Variants in HERC2 observed in about 807,000 individuals in gnomAD.
HERC2 encodes the protein HECT and RLD domain containing E3 ubiquitin protein ligase 2.
Under a neutral mutation model 537.7 loss-of-function variants are expected in HERC2, and 102 were observed. That is an observed-to-expected ratio of 0.19 (90% CI 0.16 to 0.22). HERC2 has a LOEUF of 0.22. HERC2 is among the 10% of genes least tolerant of loss of function. The probability of loss-of-function intolerance (pLI) is 1.00; values close to 1 mark genes in which losing one functional copy is unlikely to be tolerated. For missense variants in HERC2, 4,236 were observed against 6,198.2 expected (o/e 0.68, Z 10.63); for synonymous variants, 2,224 against 2,466.2 (o/e 0.90, Z 2.91).
At position 28,246,084 on chromosome 15, in the gene HERC2, T is replaced by C; in HGVS notation, c.3392-18A>G. On this transcript the variant is annotated intron_variant, in intron 22 of 92. Transcript: ENST00000261609. ...GAGAACACCTACATTTAAGAAATAATAAGATTTAAATAAGTATTTATCCTA... is the reference window on the plus strand; with the variant it reads ...GAGAACACCTACATTTAAGAAATAACAAGATTTAAATAAGTATTTATCCTA... 6.6e-7 allele frequency: 1 copy of C among 1,508,190 alleles called. No homozygotes were observed. The highest frequency in any genetic ancestry group is 2.3e-5 in the East Asian group (1 of 43,652). The allele number at this position is 1,508,190 out of a possible 1,614,324, so 93.4% of individuals were successfully genotyped here.
intron 26 of HERC2, among the ~76,000 whole-genome samples, chr15:28,235,562 A>C (rs1402196247): frequency 6.6e-6 from 1 of 152,092 alleles, no homozygotes; most frequent in Non-Finnish European, 1.5e-5. Context: ...CCCACTCTCG[A>C]AAGCAGCAGG....
Position 28,163,283 on chromosome 15 carries a change from A to G in HERC2, c.10557T>C (p.Asp3519=). Residue 3519 remains aspartate (D), a splice_region_variant and synonymous_variant, in exon 69 of 93, where the codon GAT becomes GAC. Coordinates refer to ENST00000261609, the MANE Select transcript of HERC2 (RefSeq NM_004667.6). ...IAETMTKTKE[D]VESQNKAAGP... The stretch of plus-strand genomic sequence containing the variant: ...CTGCTGCTTTATTTTGGCTTTCAAC[A>G]TCCTAAGTCAAATGACATCCAACAA... The G allele has an allele frequency of 6.2e-7, 1 of 1,611,586 alleles. No individual in the cohort carries two copies. The highest frequency in any genetic ancestry group is 8.5e-7 in the Non-Finnish European group (1 of 1,179,524).
chr15:28,123,823 C>T (rs11635884), intron 85 of HERC2, among the ~76,000 whole-genome samples: 129,320 of 152,242 alleles, frequency 0.85, 58,356 homozygotes, highest in Non-Finnish European at 0.99. Context: ...TTACTGTTTG[C>T]TTTTAATATA....
chr15:28,314,998 C>T (rs1398180435), intron 2 of HERC2, among the ~76,000 whole-genome samples: 2 of 152,172 alleles, frequency 1.3e-5, no homozygotes, highest in Admixed American at 6.5e-5. Context: ...AGAGCACGTA[C>T]GGCCCACATA....
intron 48 of HERC2, among the ~76,000 whole-genome samples, chr15:28,199,154 A>G (rs977375577): frequency 7.9e-5 from 12 of 152,166 alleles, no homozygotes; most frequent in African/African-American, 2.9e-4. Context: ...CTCAAAAAAA[A>G]AAAAGAATTT....
intron 55 of HERC2, among the ~76,000 whole-genome samples, chr15:28,188,613 G>A (rs1896544035): frequency 6.6e-6 from 1 of 151,912 alleles, no homozygotes; most frequent in Non-Finnish European, 1.5e-5. Flanking sequence ...GTTAAGCCCT[G>A]TCAGAGATGA....
In HERC2 at chr15:28,176,955, T is replaced by G; in HGVS notation, c.9427A>C (p.Lys3143Gln). ...ACAAAAATGCGTATAATCACCATTT[T>G]GGGCTTTAGCTGTGTCGTATTATCC... Reference protein sequence around the residue: ...HGDNTTQLKPKMVKVLLGHRV... With the variant: ...HGDNTTQLKPQMVKVLLGHRV... Residue 3143 changes from lysine (K) to glutamine (Q), a missense_variant, in exon 61 of 93, where the codon AAA becomes CAA. Physicochemically the swap from Lys to Gln is moderately conservative, Grantham distance 53. This residue lies in a region of HERC2 where 606 missense variants were observed against 884.5 expected (regional missense o/e 0.69). Transcript: ENST00000261609. The surrounding 1 kb of genome is among the most constrained non-coding windows in gnomAD (Gnocchi z 5.0). The G allele has an allele frequency of 6.2e-7, 1 of 1,610,964 alleles. No individual in the cohort carries two copies. The highest frequency in any genetic ancestry group is 8.5e-7 in the Non-Finnish European group (1 of 1,177,932).
intron 82 of HERC2, 81 bp from the exon 83 acceptor site, chr15:28,130,383 C>T: frequency 6.2e-7 from 1 of 1,600,970 alleles, no homozygotes; most frequent in Admixed American, 1.7e-5. Flanking sequence ...GCAGCCTCTG[C>T]TGTTCAGGAC....
intron 17 of HERC2, 39 bp downstream of exon 17, chr15:28,257,022 A>G (rs1320463317): frequency 6.5e-7 from 1 of 1,548,254 alleles, no homozygotes; most frequent in African/African-American, 1.4e-5. Context: ...TCCCTAAGAC[A>G]CTTACAAAAG....
chr15:28,111,568 C>G lies in HERC2; in HGVS notation c.*195G>C, dbSNP rs927915733. ...AAGACCCTTGGAAGTCGAGCGTCCA[C>G]AGTGTTCCACGCGCACAGGCGGACC... On this transcript the variant is annotated 3_prime_UTR_variant, in exon 93 of 93. Transcript: ENST00000261609. The G allele has an allele frequency of 9.9e-6, 6 of 608,166 alleles. No homozygotes were observed. The highest frequency in any genetic ancestry group is 6.0e-5 in the Admixed American group (2 of 33,302). The allele number at this position is 608,166 out of a possible 1,614,324, so 37.7% of individuals were successfully genotyped here. A position where few individuals can be genotyped will look rare whatever the true frequency, so the allele number is the denominator to read the frequency against.
chr15:28,298,065 T>C (rs1442603111), intron 3 of HERC2, among the ~76,000 whole-genome samples: 4 of 150,018 alleles, frequency 2.7e-5, no homozygotes, highest in Non-Finnish European at 5.9e-5. Flanking sequence ...ATATAAAAAA[T>C]AAATTAAAAT....
intron 35 of HERC2, among the ~76,000 whole-genome samples, chr15:28,224,139 ACACACACACC>A (rs1404170447): frequency 0.072 from 10,066 of 139,076 alleles, 1,158 homozygotes; most frequent in African/African-American, 0.26. Flanking sequence ...AATTATACAC[ACACACACACC>A]CACACACACA....
chr15:28,185,425 C>T (rs1302072974), intron 56 of HERC2, among the ~76,000 whole-genome samples: 1 of 152,194 alleles, frequency 6.6e-6, no homozygotes, highest in African/African-American at 2.4e-5. Context: ...AACAACATAT[C>T]CATTTATTTT....
chr15:28,294,772 C>T (rs140360543), intron 3 of HERC2, among the ~76,000 whole-genome samples: 1 of 151,970 alleles, frequency 6.6e-6, no homozygotes, highest in Admixed American at 6.6e-5. Flanking sequence ...GTGTGGCATG[C>T]GGTGTCCCCC....
At position 28,265,965 on chromosome 15, in the gene HERC2, C is replaced by T. The variant is rs1567091807; in HGVS notation, c.1608G>A (p.Glu536=). The T allele has an allele frequency of 3.1e-6, 5 of 1,613,954 alleles. No individual in the cohort carries two copies. The highest frequency in any genetic ancestry group is 3.4e-6 in the Non-Finnish European group (4 of 1,179,982). The change falls in exon 13 of 93, where the codon GAG becomes GAA. Residue 536 remains glutamate, a synonymous_variant. Transcript: ENST00000261609. The surrounding 1 kb of genome is among the most constrained non-coding windows in gnomAD (Gnocchi z 4.0). The stretch of plus-strand genomic sequence containing the variant: ...AGAAGGCGGAGATCACCTTAGGCTC[C>T]TCCAAAGGCCTTGGGGAGAAAGGGA... ...RLGHGDTVPL[E]EPKVISAFSG... is the part of the protein sequence containing the mutation.
chr15:28,252,236 C>T (rs2075106734), intron 20 of HERC2, among the ~76,000 whole-genome samples: 1 of 152,088 alleles, frequency 6.6e-6, no homozygotes, highest in Non-Finnish European at 1.5e-5. Flanking sequence ...GCAGGCTACA[C>T]AGCTGCAGCT....
At position 28,202,088 on chromosome 15, in the gene HERC2, G is replaced by A. The variant is rs57318871; in HGVS notation, c.7617+25C>T. 16,042 of 1,299,764 alleles carry A rather than the reference G, an allele frequency of 0.012. 1,383 individuals carry two copies. In the African/African-American group the frequency reaches 0.22, roughly 18 times the overall value. 80.5% of individuals were successfully genotyped at this position (1,299,764 alleles called of 1,614,324 possible). A position where few individuals can be genotyped will look rare whatever the true frequency, so the allele number is the denominator to read the frequency against. On this transcript the variant is annotated intron_variant, in intron 47 of 92. Transcript: ENST00000261609. Reference sequence around the variant, plus strand: ...GCTAGACGGACAGCGGCCCAGGTGCGGGCGGTCACATGGGAGGCACTGACC... The same window carrying A: ...GCTAGACGGACAGCGGCCCAGGTGCAGGCGGTCACATGGGAGGCACTGACC...
At chr15:28,247,430 T>C (rs1290234002) in intron 21 of HERC2, among the ~76,000 whole-genome samples, 2 of 142,280 alleles carry the variant, frequency 1.4e-5, no homozygotes, top group Non-Finnish European at 3.1e-5. Context: ...TCTTTTTTTT[T>C]TTTTTTTTTT....
intron 4 of HERC2, among the ~76,000 whole-genome samples, chr15:28,290,849 C>T (rs939347254): frequency 1.3e-5 from 2 of 152,148 alleles, no homozygotes; most frequent in Non-Finnish European, 2.9e-5. Flanking sequence ...GTTTTGAACA[C>T]TTGTTAGAAA....
Sources: gnomAD v4.1 joint callset for allele counts (sites outside exome capture counted in the v4.1 genomes callset) on GRCh38, gnomAD v4.1.1 for gene constraint, gnomAD v4.1.1 regional missense constraint, Gnocchi (gnomAD v3.1) non-coding constraint, MANE v1.5 for transcripts, NCBI Gene and HGNC (gene_info 2026-07-23, HGNC 2026-07-21) for gene names.